The following SV2C variants were observed in gnomAD, a reference collection of about 807,000 sequenced individuals.
SV2C encodes the protein synaptic vesicle glycoprotein 2C.
In SV2C, 49 loss-of-function variants were observed where a neutral mutation model predicts 79.7. That is an observed-to-expected ratio of 0.61 (90% CI 0.49 to 0.78). SV2C has a LOEUF of 0.78. Ranked by LOEUF, SV2C falls within the 30% of genes least tolerant of loss-of-function variation. The pLI is 0.00. For synonymous variants in SV2C, 334 were observed against 333.2 expected, an observed-to-expected ratio of 1.00 and a Z score of -0.03; for missense variants, 833 against 912.9, an observed-to-expected ratio of 0.91 and a Z score of 1.13.
chr5:75,993,203 C>T, the SV2C span, among the ~76,000 whole-genome samples: 1 of 151,978 alleles, frequency 6.6e-6, no homozygotes, highest in Admixed American at 6.6e-5. Context: ...TACTATTTTT[C>T]ATGTTTCTAA....
At chr5:76,175,929 C>G (rs1743512940) in intron 2 of SV2C, among the ~76,000 whole-genome samples, 1 of 152,064 alleles carries the variant, frequency 6.6e-6, no homozygotes, top group Non-Finnish European at 1.5e-5. Context: ...GGGGATGGGT[C>G]AGGTTGCAGA....
chr5:76,010,568 T>A, the SV2C span, among the ~76,000 whole-genome samples: 1 of 152,236 alleles, frequency 6.6e-6, no homozygotes. Context: ...AATGTGCCGA[T>A]CAACTTTTGG....
the SV2C span, among the ~76,000 whole-genome samples, chr5:75,991,990 T>G: frequency 1.1e-4 from 17 of 152,026 alleles, 1 homozygote; most frequent in East Asian, 3.1e-3. Context: ...TTCTCATGCA[T>G]TTATTTTTCC....
At chr5:76,280,033 TGAG>T (rs1170185750) in intron 4 of SV2C, among the ~76,000 whole-genome samples, 2 of 152,112 alleles carry the variant, frequency 1.3e-5, no homozygotes, top group Admixed American at 1.3e-4. Context: ...GATGAGAAGA[TGAG>T]GAGTATGTAG....
chr5:76,209,992 C>A, intron 4 of SV2C, 105 bp downstream of exon 4: 2 of 1,315,724 alleles, frequency 1.5e-6, no homozygotes, highest in Non-Finnish European at 2.1e-6. Flanking sequence ...AAAAACTACT[C>A]ATCATCATGT....
At chr5:76,301,920 A>C (rs1230558927) in intron 12 of SV2C, among the ~76,000 whole-genome samples, 1 of 151,540 alleles carries the variant, frequency 6.6e-6, no homozygotes, top group Non-Finnish European at 1.5e-5. Context: ...AAAAAAAAAA[A>C]AAAAAAAAAA....
the SV2C span, among the ~76,000 whole-genome samples, chr5:75,890,549 T>C: frequency 6.6e-6 from 1 of 152,056 alleles, no homozygotes; most frequent in African/African-American, 2.4e-5. Context: ...CATCAGAAGT[T>C]GAAGTCATGA....
the SV2C span, among the ~76,000 whole-genome samples, chr5:76,041,747 C>A: frequency 6.6e-6 from 1 of 152,102 alleles, no homozygotes; most frequent in Non-Finnish European, 1.5e-5. Flanking sequence ...CAAGATCTGC[C>A]CATCAACATT....
chr5:76,216,010 C>T (rs1744900825), intron 4 of SV2C, among the ~76,000 whole-genome samples: 1 of 149,588 alleles, frequency 6.7e-6, no homozygotes, highest in Non-Finnish European at 1.5e-5. Context: ...GAGTGGGTCA[C>T]TAAGGATTCT....
chr5:76,008,949 A>G, the SV2C span, among the ~76,000 whole-genome samples: 3 of 151,956 alleles, frequency 2.0e-5, no homozygotes, highest in Non-Finnish European at 2.9e-5. Context: ...CCTTCCGTGG[A>G]TTCTTCCCTC....
the SV2C span, among the ~76,000 whole-genome samples, chr5:75,895,974 C>G: frequency 1.3e-5 from 2 of 151,912 alleles, no homozygotes; most frequent in Non-Finnish European, 2.9e-5. Flanking sequence ...TACATTTGCA[C>G]TATATACACA....
At chr5:76,031,377 C>G in the SV2C span, among the ~76,000 whole-genome samples, 1 of 152,220 alleles carries the variant, frequency 6.6e-6, no homozygotes, top group Non-Finnish European at 1.5e-5. Context: ...ATCCCTCTGA[C>G]TGGGCTGTCA....
chr5:76,101,150 G>A (rs898607309), intron 1 of SV2C, among the ~76,000 whole-genome samples: 9 of 152,180 alleles, frequency 5.9e-5, no homozygotes, highest in South Asian at 4.2e-4. Context: ...GGGGAGTGGC[G>A]AGTGATCCTC....
chr5:75,903,269 A>G, the SV2C span, among the ~76,000 whole-genome samples: 1 of 152,082 alleles, frequency 6.6e-6, no homozygotes, highest in Non-Finnish European at 1.5e-5. Flanking sequence ...CACATGCATA[A>G]CTGAAATCCA....
At chr5:76,029,129 T>C in the SV2C span, among the ~76,000 whole-genome samples, 2 of 152,312 alleles carry the variant, frequency 1.3e-5, no homozygotes, top group East Asian at 3.9e-4. Context: ...TTGTATGTAG[T>C]TATTATGCAC....
chr5:75,956,760 C>T, the SV2C span, among the ~76,000 whole-genome samples: 1 of 151,930 alleles, frequency 6.6e-6, no homozygotes, highest in Admixed American at 6.6e-5. Flanking sequence ...CTTGAGAACA[C>T]TGAAGCCCCA....
At chr5:76,266,060 C>T (rs956128188) in intron 4 of SV2C, among the ~76,000 whole-genome samples, 9 of 152,022 alleles carry the variant, frequency 5.9e-5, no homozygotes, top group Non-Finnish European at 1.0e-4. Flanking sequence ...CCCGGAAGGA[C>T]TCTACCTGCA....
chr5:76,226,814 A>G (rs1228572094), intron 4 of SV2C, among the ~76,000 whole-genome samples: 1 of 152,152 alleles, frequency 6.6e-6, no homozygotes, highest in Non-Finnish European at 1.5e-5. Context: ...ATGGAGAAAG[A>G]TGTGTCTCTC....
chr5:76,077,266 G>A, the SV2C span, among the ~76,000 whole-genome samples: 1 of 152,124 alleles, frequency 6.6e-6, no homozygotes, highest in Admixed American at 6.5e-5. Flanking sequence ...ATGTTAAATA[G>A]CATAACGGGA....
Sources: allele counts gnomAD v4.1 joint callset (sites outside exome capture counted in the v4.1 genomes callset), GRCh38; gene constraint gnomAD v4.1.1; transcripts MANE v1.5; gene names NCBI Gene and HGNC (gene_info 2026-07-23, HGNC 2026-07-21).